The following ABHD12B variants were observed in gnomAD, a reference collection of about 807,000 sequenced individuals.
The protein encoded by ABHD12B is abhydrolase domain containing 12B, also known as protein ABHD12B.
ABHD12B carries 42 observed loss-of-function variants against 50.4 expected under a neutral mutation model. The observed-to-expected ratio is 0.83, with a 90% CI of 0.65 to 1.08. ABHD12B has a LOEUF of 1.08. Ranked by LOEUF, ABHD12B falls within the 50% of genes least tolerant of loss-of-function variation. The probability of loss-of-function intolerance (pLI) is 0.00; values close to 1 mark genes in which losing one functional copy is unlikely to be tolerated. For missense variants in ABHD12B, 479 were observed against 447.7 expected, an observed-to-expected ratio of 1.07 and a Z score of -0.63; for synonymous variants, 167 against 160.3, an observed-to-expected ratio of 1.04 and a Z score of -0.32.
intron 9 of ABHD12B, among the ~76,000 whole-genome samples, chr14:50,890,719 T>G (rs1303573187): frequency 6.6e-6 from 1 of 152,246 alleles, no homozygotes; most frequent in Non-Finnish European, 1.5e-5. Context: ...TGTTGTTTAT[T>G]ATATTTGTAT....
At chr14:50,873,190 G>A (rs1336899377) in intron 1 of ABHD12B, among the ~76,000 whole-genome samples, 2 of 151,924 alleles carry the variant, frequency 1.3e-5, no homozygotes, top group African/African-American at 4.8e-5. Context: ...GAGTGATGAT[G>A]ACAAACGGGG....
Position 50,872,165 on chromosome 14 carries a change from A to T in ABHD12B, c.-10A>T, listed in dbSNP as rs1485191230. 1.9e-5 allele frequency: 25 copies of T among 1,302,268 alleles called. No individual in the cohort carries two copies. The highest frequency in any genetic ancestry group is 2.4e-5 in the Non-Finnish European group (25 of 1,024,798). The allele number at this position is 1,302,268 out of a possible 1,614,324, so 80.7% of individuals were successfully genotyped here. On this transcript the variant is annotated 5_prime_UTR_variant, in exon 1 of 13. Transcript: ENST00000337334. ...CGCGGCGGTGGCGGCGTATCGGGAC[A>T]CGGCGCGGGATGGACGCGCAGGACT...
chr14:50,900,253 A>G (rs1289178704), intron 9 of ABHD12B, among the ~76,000 whole-genome samples: 1 of 152,226 alleles, frequency 6.6e-6, no homozygotes, highest in East Asian at 1.9e-4. Flanking sequence ...AAACAAACAA[A>G]TAAATAAAAT....
intron 1 of ABHD12B, among the ~76,000 whole-genome samples, chr14:50,877,570 A>C (rs2036345358): frequency 6.6e-6 from 1 of 151,940 alleles, no homozygotes; most frequent in Non-Finnish European, 1.5e-5. Context: ...ATTCCTTGTC[A>C]TTGTGTAAAA....
chr14:50,901,720 C>T, intron 9 of ABHD12B, 109 bp from the exon 10 acceptor site: 2 of 554,462 alleles, frequency 3.6e-6, no homozygotes, highest in Admixed American at 4.1e-5. Context: ...GTTTACCTTA[C>T]TTAGAGAAGC....
At position 50,903,458 on chromosome 14, in the gene ABHD12B, T is replaced by TG. The variant is rs776426320; in HGVS notation, c.936dup (p.Lys313GlufsTer5). 2.1e-5 allele frequency: 34 copies of TG among 1,611,748 alleles called. No individual in the cohort carries two copies. The highest frequency in any genetic ancestry group is 2.7e-5 in the Non-Finnish European group (32 of 1,178,728). The stretch of plus-strand genomic sequence containing the variant: ...ATGACAGGACAGTGCCTTTGGAGTA[T>TG]GGGAAAAAGGTAAACTAAGGGCTCA... On this transcript the variant is annotated frameshift_variant, in exon 11 of 13. Transcript: ENST00000337334. LOFTEE classifies it high-confidence loss of function.
chr14:50,882,179 A>G (rs2049961701), intron 5 of ABHD12B, among the ~76,000 whole-genome samples: 1 of 147,562 alleles, frequency 6.8e-6, no homozygotes, highest in Admixed American at 6.9e-5. Flanking sequence ...CAGGTGATCC[A>G]CCCACCTCCG....
At chr14:50,887,059 C>G (rs1224684775) in intron 8 of ABHD12B, among the ~76,000 whole-genome samples, 1 of 151,694 alleles carries the variant, frequency 6.6e-6, no homozygotes, top group East Asian at 1.9e-4. Flanking sequence ...ACTAAAAATA[C>G]AAAAATTTGC....
chr14:50,885,934 T>C, intron 7 of ABHD12B, 39 bp downstream of exon 7: 1 of 1,611,356 alleles, frequency 6.2e-7, no homozygotes, highest in Non-Finnish European at 8.5e-7. Flanking sequence ...GGCAGGTCCT[T>C]GAGGCTTTAG....
Position 50,903,465 on chromosome 14 carries a change from A to G in ABHD12B, c.940A>G (p.Lys314Glu), listed in dbSNP as rs1046308767. ...GACAGTGCCTTTGGAGTATGGGAAAAAGGTAAACTAAGGGCTCAATGCTGA... is the reference window on the plus strand; with the variant it reads ...GACAGTGCCTTTGGAGTATGGGAAAGAGGTAAACTAAGGGCTCAATGCTGA... Reference protein sequence around the residue: ...DRTVPLEYGKKLYEIARNAYR... With the variant: ...DRTVPLEYGKELYEIARNAYR... The change falls in exon 11 of 13, where the codon AAG becomes GAG. Residue 314 changes from lysine (K) to glutamate (E), a missense_variant and splice_region_variant. By Grantham distance (56) the Lys-to-Glu change is moderately conservative. Transcript: ENST00000337334. 3.7e-6 allele frequency: 6 copies of G among 1,610,152 alleles called. No homozygotes were observed. The South Asian group carries it at 6.6e-5, about 18-fold the overall frequency.
At chr14:50,885,541 TG>T (rs2050023496) in intron 5 of ABHD12B, 72 bp from the exon 6 acceptor site, 13 of 1,552,886 alleles carry the variant, frequency 8.4e-6, no homozygotes, top group Non-Finnish European at 1.8e-6. Context: ...GTGATATGGA[TG>T]GATATAGGGA....
chr14:50,880,574 C>T lies in ABHD12B; in HGVS notation c.455+3C>T, dbSNP rs368116773. On this transcript the variant is annotated splice_donor_region_variant and intron_variant, in intron 4 of 12. Coordinates refer to ENST00000337334, the MANE Select transcript of ABHD12B (RefSeq NM_001206673.2). ...CTTCATGGCAGTGCAGAACACAGGT[C>T]AGTGGCTCTGCTTACATATTTTTTT... The T allele has an allele frequency of 6.4e-7, 1 of 1,569,764 alleles. No homozygotes were observed. The highest frequency in any genetic ancestry group is 8.6e-7 in the Non-Finnish European group (1 of 1,158,656).
chr14:50,898,721 G>C (rs1172206069), intron 9 of ABHD12B, among the ~76,000 whole-genome samples: 1 of 152,246 alleles, frequency 6.6e-6, no homozygotes, highest in Non-Finnish European at 1.5e-5. Flanking sequence ...AATTCCAGGG[G>C]TGAGAGTACC....
chr14:50,881,699 C>T (rs1349440227), intron 5 of ABHD12B, 73 bp downstream of exon 5: 17 of 1,586,216 alleles, frequency 1.1e-5, no homozygotes, highest in Non-Finnish European at 1.5e-5. Context: ...TCCTCAGGCC[C>T]TCCGCGTGGT....
intron 1 of ABHD12B, among the ~76,000 whole-genome samples, chr14:50,873,275 T>G (rs1331060456): frequency 6.6e-6 from 1 of 151,710 alleles, no homozygotes; most frequent in Non-Finnish European, 1.5e-5. Context: ...CAGGCTGGAG[T>G]GCAGTGGCAC....
intron 8 of ABHD12B, among the ~76,000 whole-genome samples, chr14:50,886,912 A>G (rs1190166266): frequency 6.6e-6 from 1 of 152,154 alleles, no homozygotes; most frequent in African/African-American, 2.4e-5. Context: ...ACAAGTTAAA[A>G]TCACCTTGAA....
chr14:50,904,272 A>G, intron 12 of ABHD12B, 67 bp from the exon 13 acceptor site: 1 of 1,613,908 alleles, frequency 6.2e-7, no homozygotes, highest in Non-Finnish European at 8.5e-7. Context: ...ACAACATGAA[A>G]ATGTATAATA....
rs1416912265 is a variant in ABHD12B at position 50,888,862 on chromosome 14, A to G, written c.739A>G (p.Thr247Ala). 1.2e-6 allele frequency: 2 copies of G among 1,614,068 alleles called. No homozygotes were observed. Among genetic ancestry groups the G allele is most frequent in the Admixed American group, 3.3e-5 (2 of 60,014 alleles). Residue 247 changes from threonine (T) to alanine (A), a missense_variant, in exon 9 of 13, where the codon ACC (threonine) becomes GCC (alanine). Transcript: ENST00000337334. ...VDAIVLEAPFTNMWVASINYP... is the reference protein window; with the variant it reads ...VDAIVLEAPFANMWVASINYP... ...TGCTATTGTCTTGGAAGCTCCATTTACCAACATGTGGGTTGCAAGTATCAA... is the reference window on the plus strand; with the variant it reads ...TGCTATTGTCTTGGAAGCTCCATTTGCCAACATGTGGGTTGCAAGTATCAA...
chr14:50,886,069 A>G (rs1596009298), intron 7 of ABHD12B, among the ~76,000 whole-genome samples, 174 bp downstream of exon 7: 1 of 152,330 alleles, frequency 6.6e-6, no homozygotes, highest in African/African-American at 2.4e-5. Context: ...TGCTATTTGT[A>G]AAACAACAGA....
Sources: allele counts gnomAD v4.1 joint callset (sites outside exome capture counted in the v4.1 genomes callset), GRCh38; gene constraint gnomAD v4.1.1; transcripts MANE v1.5; gene names NCBI Gene and HGNC (gene_info 2026-07-23, HGNC 2026-07-21).